PRR5L: variants seen among roughly 807,000 people sequenced by gnomAD.
PRR5L encodes proline-rich protein 5-like.
PRR5L carries 21 observed loss-of-function variants against 36.4 expected under a neutral mutation model. That is an observed-to-expected ratio of 0.58 (90% CI 0.41 to 0.83). The LOEUF is 0.83. Ranked by LOEUF, PRR5L falls within the 40% of genes least tolerant of loss-of-function variation. PRR5L has a pLI of 0.00. For synonymous variants in PRR5L, 188 were observed against 197.0 expected (o/e 0.95, Z 0.38); for missense variants, 381 against 473.3 (o/e 0.80, Z 1.81).
In PRR5L at chr11:36,401,113, C is replaced by A. The variant is rs373714586; in HGVS notation, c.-9C>A. The A allele has an allele frequency of 8.9e-5, 144 of 1,613,958 alleles. 1 individual carries two copies. The South Asian group carries it at 1.1e-3, about 12-fold the overall frequency. On this transcript the variant is annotated 5_prime_UTR_variant, in exon 2 of 9. Coordinates refer to ENST00000530639, the MANE Select transcript of PRR5L (RefSeq NM_001160167.2). ...TCCTAGAGGTGAAGCTGAACTGTCA[C>A]CAGGACTTATGACCCGCGGCTTCGC...
At position 36,347,377 on chromosome 11, in the gene PRR5L, G is replaced by A. The variant is rs115311291; in HGVS notation, c.-126+50939G>A. On this transcript the variant is annotated intron_variant, in intron 1 of 8. Transcript: ENST00000530639. ...CACAAGCTTCAAGAAACCATCAGTTGCTAAAAGCCTAACCTAGTTTGAGAT... is the reference window on the plus strand; with the variant it reads ...CACAAGCTTCAAGAAACCATCAGTTACTAAAAGCCTAACCTAGTTTGAGAT... 2.0e-3 allele frequency among the ~76,000 whole-genome samples: 302 copies of A among 152,280 alleles called. 2 individuals are homozygous for A. Among genetic ancestry groups the A allele is most frequent in the African/African-American group, 6.9e-3 (288 of 41,560 alleles).
rs552483786 is a variant in PRR5L, at chr11:36,355,731, T to C, written c.-125-45266T>C. ...TGCCCAGCTATTTTTTTTAATTTTT[T>C]TTTAATTTTTTAGTAGAAATAGGGT... is the stretch of plus-strand genomic sequence containing the variant. On this transcript the variant is annotated intron_variant, in intron 1 of 8. Coordinates refer to ENST00000530639, the MANE Select transcript of PRR5L (RefSeq NM_001160167.2). Among the ~76,000 whole-genome samples the C allele has an allele frequency of 7.3e-5, 11 of 151,612 alleles. No individual in the cohort carries two copies. In the South Asian group the frequency reaches 2.3e-3, roughly 32 times the overall value.
intron 6 of PRR5L, 57 bp from the exon 7 acceptor site, chr11:36,446,243 C>T (rs1055913136): frequency 1.1e-5 from 17 of 1,589,522 alleles, no homozygotes; most frequent in African/African-American, 1.3e-5. Context: ...CCCACATGGT[C>T]GGTGGCAGAT....
intron 1 of PRR5L, among the ~76,000 whole-genome samples, chr11:36,337,693 G>A (rs754406453): frequency 5.3e-5 from 8 of 152,094 alleles, no homozygotes; most frequent in South Asian, 2.1e-4. Context: ...ATATTGTTCC[G>A]CATGGTATCC....
intron 1 of PRR5L, among the ~76,000 whole-genome samples, chr11:36,335,405 A>G (rs5791101): frequency 1.0e-4 from 9 of 87,908 alleles, no homozygotes; most frequent in Middle Eastern, 5.5e-3. Context: ...CTTGGGTGGC[A>G]GTGTGTGTGT....
chr11:36,325,713 G>C (rs1050190770), intron 1 of PRR5L, among the ~76,000 whole-genome samples: 2 of 152,176 alleles, frequency 1.3e-5, no homozygotes, highest in Non-Finnish European at 2.9e-5. Context: ...GCTAGGCTTA[G>C]GGATTCTTAG....
intron 1 of PRR5L, among the ~76,000 whole-genome samples, chr11:36,317,761 G>A (rs1856572482): frequency 6.6e-6 from 1 of 152,100 alleles, no homozygotes; most frequent in African/African-American, 2.4e-5. Context: ...GTTTTAATTG[G>A]CATCTTCCCA....
At chr11:36,324,622 C>CA (rs1484557582) in intron 1 of PRR5L, among the ~76,000 whole-genome samples, 6 of 151,974 alleles carry the variant, frequency 3.9e-5, no homozygotes, top group Admixed American at 3.3e-4. Flanking sequence ...TAGTCATTGC[C>CA]AAAAAATTCT....
rs1564953327 is a variant in PRR5L, at chr11:36,451,238, G to C, written c.615G>C (p.Glu205Asp). The C allele has an allele frequency of 6.2e-7, 1 of 1,614,228 alleles. No individual in the cohort carries two copies. Reference sequence around the variant, plus strand: ...TTCACGAGCCCACAGGCCCAAGTGAGAGTTATTTGCAACTGGAGGAGCTGG... The same window carrying C: ...TTCACGAGCCCACAGGCCCAAGTGACAGTTATTTGCAACTGGAGGAGCTGG... ...QSVHEPTGPS[E>D]SYLQLEELVK... Residue 205 changes from glutamate to aspartate, a missense_variant, in exon 8 of 9, where the codon GAG (glutamate) becomes GAC (aspartate). Coordinates refer to ENST00000530639, the MANE Select transcript of PRR5L (RefSeq NM_001160167.2).
chr11:36,442,217 T>C (rs953485698), intron 6 of PRR5L, among the ~76,000 whole-genome samples: 4 of 152,220 alleles, frequency 2.6e-5, no homozygotes, highest in Non-Finnish European at 5.9e-5. Flanking sequence ...CTGCAAATTT[T>C]CCAAATTTTT....
At chr11:36,437,515 G>A (rs371605436) in intron 6 of PRR5L, 39 bp downstream of exon 6, 27 of 1,305,344 alleles carry the variant, frequency 2.1e-5, no homozygotes, top group African/African-American at 8.8e-5. Context: ...CATCCTCAGC[G>A]ATCTGTCTTC....
chr11:36,337,076 C>G (rs1243676091), intron 1 of PRR5L, among the ~76,000 whole-genome samples: 2 of 152,144 alleles, frequency 1.3e-5, no homozygotes, highest in Non-Finnish European at 2.9e-5. Context: ...GGAGTTAGGC[C>G]ATAAAGGTTG....
chr11:36,356,404 C>T (rs1857028454), intron 1 of PRR5L, among the ~76,000 whole-genome samples: 1 of 152,058 alleles, frequency 6.6e-6, no homozygotes, highest in Non-Finnish European at 1.5e-5. Context: ...GACTGTGAGG[C>T]CTCAAGGGAG....
chr11:36,397,643 G>A (rs1230522855), intron 1 of PRR5L, among the ~76,000 whole-genome samples: 4 of 151,188 alleles, frequency 2.6e-5, no homozygotes, highest in Non-Finnish European at 5.9e-5. Context: ...TTTTAATAGA[G>A]ACAGGGTTTT....
In PRR5L at chr11:36,377,355, AG is replaced by A. The variant is rs1360758174; in HGVS notation, c.-125-23641del. Among the ~76,000 whole-genome samples the A allele has an allele frequency of 6.6e-6, 1 of 152,164 alleles. No homozygotes were observed. The highest frequency in any genetic ancestry group is 2.4e-5 in the African/African-American group (1 of 41,468). ...GCCCGGCTGCGGACCCCGCGCTGGG[AG>A]TCCGCAGTATCCCCCTTCCGTTTTA... On this transcript the variant is annotated intron_variant, in intron 1 of 8. Transcript: ENST00000530639. The surrounding 1 kb of genome is among the most constrained non-coding windows in gnomAD (Gnocchi z 5.1).
chr11:36,342,218 C>T (rs7106915), intron 1 of PRR5L, among the ~76,000 whole-genome samples: 1,840 of 152,276 alleles, frequency 0.012, 40 homozygotes, highest in African/African-American at 0.042. Flanking sequence ...TAGCCTAGTA[C>T]CAGTCTGTAG....
At chr11:36,296,623 A>C (rs114073624) in intron 1 of PRR5L, among the ~76,000 whole-genome samples, 185 bp downstream of exon 1, 1 of 152,346 alleles carries the variant, frequency 6.6e-6, no homozygotes, top group Admixed American at 6.5e-5. Flanking sequence ...TCCCAGTTAG[A>C]AAAATACCCT....
intron 6 of PRR5L, among the ~76,000 whole-genome samples, chr11:36,440,218 A>G (rs1590593572): frequency 6.6e-6 from 1 of 152,222 alleles, no homozygotes; most frequent in African/African-American, 2.4e-5. Context: ...AGGAGTTCTG[A>G]AGATAAAACC....
rs1290021031 is a variant in PRR5L at position 36,320,688 on chromosome 11, C to T, written c.-126+24250C>T. On this transcript the variant is annotated intron_variant, in intron 1 of 8. Transcript: ENST00000530639. ...CTTGCTTAGAAAGGCAGAGTGTGAA[C>T]TGGTATAGAGTAGGTGTTTCAGAGT... Among the ~76,000 whole-genome samples the T allele has an allele frequency of 2.0e-5, 3 of 152,302 alleles. No homozygotes were observed. In the East Asian group the frequency reaches 5.8e-4, roughly 29 times the overall value.
Sources: gnomAD v4.1 joint callset for allele counts (sites outside exome capture counted in the v4.1 genomes callset) on GRCh38, gnomAD v4.1.1 for gene constraint, Gnocchi (gnomAD v3.1) non-coding constraint, MANE v1.5 for transcripts, NCBI Gene and HGNC (gene_info 2026-07-23, HGNC 2026-07-21) for gene names.